Variants in ULK2 observed in about 807,000 individuals in gnomAD.
The protein encoded by ULK2 is unc-51 like autophagy activating kinase 2.
A neutral mutation model predicts 127.5 loss-of-function variants in ULK2; 76 were observed. The observed-to-expected ratio is 0.60, with a 90% CI of 0.50 to 0.72. ULK2 has a LOEUF of 0.72. Among genes scored for constraint, ULK2 ranks in the 30% least tolerant of loss-of-function variants. The pLI, the probability that ULK2 is intolerant of heterozygous loss-of-function variation, is 0.00. For missense variants in ULK2, 1,144 were observed against 1,295.9 expected (o/e 0.88, Z 1.80); for synonymous variants, 452 against 461.9 (o/e 0.98, Z 0.28).
intron 5 of ULK2, 120 bp from the exon 6 acceptor site, chr17:19,847,030 C>T: frequency 1.1e-6 from 1 of 914,346 alleles, no homozygotes; most frequent in Non-Finnish European, 1.5e-6. Flanking sequence ...TTTGGATTCA[C>T]ATTTATTTAT....
intron 3 of ULK2, among the ~76,000 whole-genome samples, chr17:19,853,469 ATC>A (rs1460526640): frequency 6.6e-6 from 1 of 151,350 alleles, no homozygotes; most frequent in East Asian, 1.9e-4. Flanking sequence ...AAATCCTCAC[ATC>A]TCTCTGCTAT....
chr17:19,803,911 GTGCTCTGAGATTTAGGT>G (rs2087454678), intron 15 of ULK2, among the ~76,000 whole-genome samples: 1 of 152,114 alleles, frequency 6.6e-6, no homozygotes, highest in Admixed American at 6.5e-5. Flanking sequence ...ACTCTATTGG[GTGCTCTGAGATTTAGGT>G]CTCTCTGAGG....
chr17:19,802,016 GT>G, intron 15 of ULK2, 94 bp from the exon 16 acceptor site: 1 of 1,399,272 alleles, frequency 7.1e-7, no homozygotes, highest in Non-Finnish European at 9.5e-7. Context: ...CCACGGAGTA[GT>G]TTTCAAAAAT....
At chr17:19,814,909 T>C (rs1476460088) in intron 13 of ULK2, among the ~76,000 whole-genome samples, 1 of 152,178 alleles carries the variant, frequency 6.6e-6, no homozygotes, top group African/African-American at 2.4e-5. Context: ...GGGAAATGGA[T>C]AAACTGTGTT....
At chr17:19,818,925 C>T (rs1013263724) in intron 12 of ULK2, among the ~76,000 whole-genome samples, 3 of 151,012 alleles carry the variant, frequency 2.0e-5, no homozygotes, top group Admixed American at 1.3e-4. Context: ...CTCAGCCTCT[C>T]GAGTAGCTGG....
rs2042382287 is a variant in ULK2 at position 19,867,541 on chromosome 17, G to A, written c.-124C>T. 2.0e-6 allele frequency: 1 copy of A among 504,142 alleles called. No individual in the cohort carries two copies. Among genetic ancestry groups the A allele is most frequent in the African/African-American group, 2.1e-5 (1 of 48,764 alleles). The allele number at this position is 504,142 out of a possible 1,614,324, so 31.2% of individuals were successfully genotyped here. ...GCGGGTCTGGGGCAGCCGCAGCCCC[G>A]GGCCCGGGCGGACTCTCATGCCGAG... On this transcript the variant is annotated 5_prime_UTR_variant, in exon 1 of 27. Transcript: ENST00000395544.
intron 10 of ULK2, among the ~76,000 whole-genome samples, chr17:19,837,155 C>T (rs2041619211): frequency 1.3e-5 from 2 of 151,786 alleles, no homozygotes; most frequent in South Asian, 2.1e-4. Context: ...CTGTGGCTCA[C>T]ATCTGTAATC....
At chr17:19,844,043 T>C (rs2041825688) in intron 7 of ULK2, among the ~76,000 whole-genome samples, 1 of 152,188 alleles carries the variant, frequency 6.6e-6, no homozygotes, top group Non-Finnish European at 1.5e-5. Flanking sequence ...ACATAGGTGT[T>C]TGCTATATTA....
intron 10 of ULK2, among the ~76,000 whole-genome samples, chr17:19,834,660 C>T (rs2041546464): frequency 6.6e-6 from 1 of 152,198 alleles, no homozygotes; most frequent in African/African-American, 2.4e-5. Context: ...ACCTATAATT[C>T]CAGCACTCTG....
intron 14 of ULK2, among the ~76,000 whole-genome samples, 172 bp from the exon 15 acceptor site, chr17:19,805,002 T>G (rs2087485080): frequency 6.6e-6 from 1 of 152,124 alleles, no homozygotes; most frequent in Non-Finnish European, 1.5e-5. Context: ...AAAAATCACA[T>G]TTATTATCTA....
intron 13 of ULK2, among the ~76,000 whole-genome samples, chr17:19,814,432 A>ATTT (rs1163924469): frequency 1.3e-4 from 2 of 15,384 alleles, no homozygotes; most frequent in East Asian, 8.3e-4. Flanking sequence ...ATATATATAT[A>ATTT]TATATATTTT....
At chr17:19,799,661 A>G in intron 16 of ULK2, 86 bp from the exon 17 acceptor site, 1 of 1,315,632 alleles carries the variant, frequency 7.6e-7, no homozygotes, top group Non-Finnish European at 1.0e-6. Flanking sequence ...ACACATGCAC[A>G]AATTGCACAG....
intron 15 of ULK2, among the ~76,000 whole-genome samples, chr17:19,803,985 C>T (rs529324053): frequency 6.6e-6 from 1 of 152,290 alleles, no homozygotes; most frequent in Admixed American, 6.5e-5. Flanking sequence ...TCCCTGATTA[C>T]GTGCATACTT....
At chr17:19,861,489 G>A (rs1201064920) in intron 3 of ULK2, among the ~76,000 whole-genome samples, 3 of 152,046 alleles carry the variant, frequency 2.0e-5, no homozygotes, top group East Asian at 3.9e-4. Flanking sequence ...AGCTTGCAGT[G>A]AGCCAAGATC....
intron 10 of ULK2, among the ~76,000 whole-genome samples, chr17:19,836,557 A>G (rs1380259006): frequency 1.3e-5 from 2 of 152,006 alleles, no homozygotes; most frequent in African/African-American, 4.8e-5. Context: ...GTGAGCCGAG[A>G]TCATGCCACT....
rs548461577 is a variant in ULK2 at position 19,786,571 on chromosome 17, G to A, written c.2102-485C>T. Among the ~76,000 whole-genome samples the A allele has an allele frequency of 7.2e-5, 11 of 151,966 alleles. No homozygotes were observed. The South Asian group carries it at 8.3e-4, about 12-fold the overall frequency. ...TCTACTAAAAATACAAAACTTTGCCGGGCATGGTGATGCGTGCCTGTAATC... is the reference window on the plus strand; with the variant it reads ...TCTACTAAAAATACAAAACTTTGCCAGGCATGGTGATGCGTGCCTGTAATC... On this transcript the variant is annotated intron_variant, in intron 20 of 26. Transcript: ENST00000395544.
At chr17:19,799,741 C>T (rs1356425192) in intron 16 of ULK2, among the ~76,000 whole-genome samples, 166 bp from the exon 17 acceptor site, 3 of 152,134 alleles carry the variant, frequency 2.0e-5, no homozygotes, top group African/African-American at 7.2e-5. Context: ...ACAACCAATC[C>T]GCTGGGTGCT....
chr17:19,799,043 C>G (rs2087336895), intron 17 of ULK2, among the ~76,000 whole-genome samples: 1 of 151,912 alleles, frequency 6.6e-6, no homozygotes, highest in Non-Finnish European at 1.5e-5. Context: ...CACCTGTAGT[C>G]CCAGCTACTT....
intron 20 of ULK2, among the ~76,000 whole-genome samples, chr17:19,795,285 A>T (rs2152385017): frequency 6.6e-6 from 1 of 150,908 alleles, no homozygotes; most frequent in Non-Finnish European, 1.5e-5. Flanking sequence ...CAGTTGCTGT[A>T]AAGTAAATGC....
Sources: gnomAD v4.1 joint callset for allele counts (sites outside exome capture counted in the v4.1 genomes callset) on GRCh38, gnomAD v4.1.1 for gene constraint, MANE v1.5 for transcripts, NCBI Gene and HGNC (gene_info 2026-07-23, HGNC 2026-07-21) for gene names.